Variants in TPGS1 observed in about 807,000 individuals in gnomAD.
TPGS1 encodes the protein tubulin polyglutamylase complex subunit 1, also known as gene trap ROSA b-geo 22.
TPGS1 carries 18 observed loss-of-function variants against 11.9 expected under a neutral mutation model. That is an observed-to-expected ratio of 1.51 (90% CI 1.04 to 2.24). The LOEUF (loss-of-function observed/expected upper bound fraction) is 2.24, where lower values mean the gene tolerates loss of function less well. Ranked by LOEUF, TPGS1 falls within the 30% of genes most tolerant of loss-of-function variation. The pLI is 0.00. For missense variants in TPGS1, 500 were observed against 443.0 expected, an observed-to-expected ratio of 1.13 and a Z score of -1.16; for synonymous variants, 247 against 218.2, an observed-to-expected ratio of 1.13 and a Z score of -1.16.
intron 1 of TPGS1, among the ~76,000 whole-genome samples, chr19:512,731 G>A (rs932021684): frequency 4.6e-5 from 7 of 152,274 alleles, no homozygotes; most frequent in Admixed American, 2.6e-4. Context: ...GGCTCCCGGG[G>A]TTCACGGCCT....
At chr19:518,010 T>C (rs1310812459) in intron 1 of TPGS1, among the ~76,000 whole-genome samples, 1 of 26,044 alleles carries the variant, frequency 3.8e-5, no homozygotes, top group Non-Finnish European at 7.1e-5. Flanking sequence ...AGGCCGAGGC[T>C]GGGGGTGCTG....
intron 1 of TPGS1, among the ~76,000 whole-genome samples, chr19:517,145 G>C (rs1978977785): frequency 6.6e-6 from 1 of 151,602 alleles, no homozygotes; most frequent in Non-Finnish European, 1.5e-5. Context: ...AAGCTCACAG[G>C]GATGTGGGAC....
intron 1 of TPGS1, chr19:510,168 T>C (rs1978743294): frequency 6.6e-6 from 1 of 152,016 alleles, no homozygotes; most frequent in African/African-American, 2.4e-5. Context: ...GGTCAGGAGA[T>C]CGAGACCATC....
In TPGS1 at chr19:510,305, G is replaced by A. The variant is rs149852552; in HGVS notation, c.338+2461G>A. The stretch of plus-strand genomic sequence containing the variant: ...GGAGAATGGCATGAACCCAGGAGGC[G>A]GAGCTTGCATTGAGCCGAGATCGCG... On this transcript the variant is annotated intron_variant, in intron 1 of 1. Coordinates refer to ENST00000359315, the MANE Select transcript of TPGS1 (RefSeq NM_033513.3). The A allele has an allele frequency of 3.3e-3, 507 of 152,130 alleles. 4 individuals carry two copies. Among genetic ancestry groups the A allele is most frequent in the African/African-American group, 0.011 (471 of 41,444 alleles). 9.4% of individuals were successfully genotyped at this position (152,130 alleles called of 1,614,324 possible).
rs140524029 is a variant in TPGS1, at chr19:514,570, G to A, written c.339-4319G>A. 3.4e-3 allele frequency among the ~76,000 whole-genome samples: 524 copies of A among 152,292 alleles called. 1 individual carries two copies. Among genetic ancestry groups the A allele is most frequent in the African/African-American group, 0.012 (498 of 41,548 alleles). ...CTGCATGCTGGCTTAGCACTTCCCC[G>A]GCACCTACCACAGGTGGCCCACAGA... is the stretch of plus-strand genomic sequence containing the variant. On this transcript the variant is annotated intron_variant, in intron 1 of 1. Transcript: ENST00000359315.
intron 1 of TPGS1, chr19:510,372 CAAA>C (rs556481115): frequency 3.8e-5 from 5 of 132,596 alleles, no homozygotes; most frequent in East Asian, 2.1e-4. Flanking sequence ...GACTCTGTCT[CAAA>C]AAAAAAAAAA....
Position 511,615 on chromosome 19 carries a change from C to T in TPGS1, c.338+3771C>T, listed in dbSNP as rs573568513. ...CAGCTGGGAGGGGCAGACGAACACC[C>T]GAGGCAGGCCTGGGCCAGGCACAGA... On this transcript the variant is annotated intron_variant, in intron 1 of 1. Coordinates refer to ENST00000359315, the MANE Select transcript of TPGS1 (RefSeq NM_033513.3). Among the ~76,000 whole-genome samples, 26 of 152,374 alleles carry T rather than the reference C, an allele frequency of 1.7e-4. 1 individual carries two copies. The highest frequency in any genetic ancestry group is 1.4e-3 in the Admixed American group (22 of 15,310).
chr19:508,088 G>A (rs1413109777), intron 1 of TPGS1: 7 of 390,082 alleles, frequency 1.8e-5, no homozygotes, highest in African/African-American at 1.4e-4. Flanking sequence ...CGCCTTCTGT[G>A]ATGCCTTTTT....
rs1241699243 is a variant in TPGS1, at chr19:518,893, G to A, written c.343G>A (p.Ala115Thr). 6.6e-7 allele frequency: 1 copy of A among 1,525,010 alleles called. No homozygotes were observed. 94.5% of individuals were successfully genotyped at this position (1,525,010 alleles called of 1,614,324 possible). A position where few individuals can be genotyped will look rare whatever the true frequency, so the allele number is the denominator to read the frequency against. The change falls in exon 2 of 2, where the codon GCC (alanine) becomes ACC (threonine). Residue 115 changes from alanine to threonine, a missense_variant. Transcript: ENST00000359315. ...LRLAHHSQRAAFNNNVSVAYE... is the reference protein window; with the variant it reads ...LRLAHHSQRATFNNNVSVAYE... The stretch of plus-strand genomic sequence containing the variant: ...CCAACGTCCCCGTCTCCGCAGGGCC[G>A]CCTTCAACAACAACGTGAGCGTGGC...
chr19:516,533 T>C (rs1978960591), intron 1 of TPGS1, among the ~76,000 whole-genome samples: 1 of 152,122 alleles, frequency 6.6e-6, no homozygotes, highest in Non-Finnish European at 1.5e-5. Context: ...TACAGACGTG[T>C]ACCACCACGT....
At chr19:514,511 G>A (rs73919627) in intron 1 of TPGS1, among the ~76,000 whole-genome samples, 19,080 of 152,032 alleles carry the variant, frequency 0.13, 1,292 homozygotes, top group East Asian at 0.2. Context: ...CTGAGCACCT[G>A]CTGCACACCA....
chr19:513,933 A>G lies in TPGS1; in HGVS notation c.339-4956A>G, dbSNP rs556374472. On this transcript the variant is annotated intron_variant, in intron 1 of 1. Coordinates refer to ENST00000359315, the MANE Select transcript of TPGS1 (RefSeq NM_033513.3). The stretch of plus-strand genomic sequence containing the variant: ...AGCACCTACTGTGCACTAGTCCTGC[A>G]TTACTGAGCACCTGCTGCACACCAA... Among the ~76,000 whole-genome samples, 3 of 150,296 alleles carry G rather than the reference A, an allele frequency of 2.0e-5. No individual in the cohort carries two copies. The East Asian group carries it at 5.9e-4, about 30-fold the overall frequency.
At chr19:512,159 C>T (rs565242243) in intron 1 of TPGS1, among the ~76,000 whole-genome samples, 109 of 152,208 alleles carry the variant, frequency 7.2e-4, no homozygotes, top group Middle Eastern at 3.4e-3. Flanking sequence ...GCATAAGCCA[C>T]TGTGCCTGGC....
At chr19:518,182 G>A (rs1229626689) in intron 1 of TPGS1, among the ~76,000 whole-genome samples, 1 of 87,834 alleles carries the variant, frequency 1.1e-5, no homozygotes, top group Admixed American at 1.0e-4. Flanking sequence ...GTGCTGGTGG[G>A]GTGGGGAGGG....
intron 1 of TPGS1, among the ~76,000 whole-genome samples, chr19:518,443 G>T (rs1278005552): frequency 9.3e-5 from 12 of 128,702 alleles, no homozygotes; most frequent in Non-Finnish European, 1.8e-4. Context: ...TTGGGATACT[G>T]GGGGGAGGAG....
intron 1 of TPGS1, among the ~76,000 whole-genome samples, chr19:514,254 G>A (rs954707382): frequency 2.7e-5 from 4 of 148,030 alleles, no homozygotes; most frequent in African/African-American, 5.0e-5. Flanking sequence ...AGTACCTACC[G>A]TGTACTGGCC....
Position 519,249 on chromosome 19 carries a change from C to A in TPGS1, c.699C>A (p.Asp233Glu). ...TGGAGGGCGCGCTGCAGGCCAGCGA[C>A]GCCGCCGCGCCCGCGCGCTTCCTGG... ...DTLEGALQAS[D>E]AAAPARFLEA... Residue 233 changes from aspartate (D) to glutamate (E), a missense_variant, in exon 2 of 2, where the codon GAC (aspartate) becomes GAA (glutamate). By Grantham distance (45) the Asp-to-Glu change is conservative. Coordinates refer to ENST00000359315, the MANE Select transcript of TPGS1 (RefSeq NM_033513.3). 8.2e-7 allele frequency: 1 copy of A among 1,218,508 alleles called. No homozygotes were observed. Among genetic ancestry groups the A allele is most frequent in the Non-Finnish European group, 1.0e-6 (1 of 980,992 alleles). The allele number at this position is 1,218,508 out of a possible 1,614,324, so 75.5% of individuals were successfully genotyped here.
At chr19:510,908 C>A (rs117421532) in intron 1 of TPGS1, among the ~76,000 whole-genome samples, 2,592 of 152,360 alleles carry the variant, frequency 0.017, 22 homozygotes, top group Non-Finnish European at 0.027. Flanking sequence ...TCCACCCACT[C>A]CTTGCCAGGA....
At chr19:516,730 T>C (rs143423902) in intron 1 of TPGS1, among the ~76,000 whole-genome samples, 3,606 of 152,262 alleles carry the variant, frequency 0.024, 67 homozygotes, top group Non-Finnish European at 0.036. Context: ...CCTAAACTTA[T>C]CGGTTTTGTG....
Sources: gnomAD v4.1 joint callset for allele counts (sites outside exome capture counted in the v4.1 genomes callset) on GRCh38, gnomAD v4.1.1 for gene constraint, MANE v1.5 for transcripts, NCBI Gene and HGNC (gene_info 2026-07-23, HGNC 2026-07-21) for gene names.